The following SNCAIP variants were observed in gnomAD, a reference collection of about 807,000 sequenced individuals.
The protein encoded by SNCAIP is synuclein alpha interacting protein.
In SNCAIP, 43 loss-of-function variants were observed where a neutral mutation model predicts 86.7. The observed-to-expected ratio is 0.50, with a 90% CI of 0.39 to 0.64. The LOEUF is 0.64. Among genes scored for constraint, SNCAIP ranks in the 30% least tolerant of loss-of-function variants. The pLI is 0.00. For missense variants in SNCAIP, 981 were observed against 1,103.1 expected, an observed-to-expected ratio of 0.89 and a Z score of 1.57; for synonymous variants, 417 against 427.2, an observed-to-expected ratio of 0.98 and a Z score of 0.29.
chr5:122,439,555 T>C (rs1372672310), intron 6 of SNCAIP, among the ~76,000 whole-genome samples: 1 of 152,180 alleles, frequency 6.6e-6, no homozygotes, highest in Admixed American at 6.5e-5. Flanking sequence ...GCTGTTTTTA[T>C]CCAACATTCC....
intron 3 of SNCAIP, among the ~76,000 whole-genome samples, chr5:122,414,090 T>TA (rs1244547726): frequency 5.3e-5 from 8 of 149,926 alleles, no homozygotes; most frequent in South Asian, 2.1e-4. Context: ...TTTAATTCTT[T>TA]GTAGAGATGA....
intron 1 of SNCAIP, among the ~76,000 whole-genome samples, chr5:122,343,909 T>C (rs1356036571): frequency 2.0e-5 from 3 of 152,206 alleles, no homozygotes; most frequent in African/African-American, 7.2e-5. Context: ...ATTAGCTCTG[T>C]TGATGGTCAA....
chr5:122,360,741 T>A (rs1561579154), intron 1 of SNCAIP, among the ~76,000 whole-genome samples: 2 of 152,192 alleles, frequency 1.3e-5, no homozygotes. Flanking sequence ...TAGCTGGAAA[T>A]CTACTTGTAG....
chr5:122,438,304 G>A (rs540200971), intron 6 of SNCAIP, among the ~76,000 whole-genome samples: 160 of 152,148 alleles, frequency 1.1e-3, no homozygotes, highest in African/African-American at 3.5e-3. Context: ...TTCTCCTCAC[G>A]TCCCAAAGAT....
At chr5:122,353,118 A>G (rs1760209751) in intron 1 of SNCAIP, among the ~76,000 whole-genome samples, 2 of 152,204 alleles carry the variant, frequency 1.3e-5, no homozygotes, top group Admixed American at 6.5e-5. Flanking sequence ...AGTACTTGGC[A>G]TCAGCAGAAT....
intron 9 of SNCAIP, 96 bp downstream of exon 9, chr5:122,450,033 C>G: frequency 1.1e-6 from 1 of 880,310 alleles, no homozygotes; most frequent in Admixed American, 2.0e-5. Flanking sequence ...AGGATGACAA[C>G]AGAAAACATT....
rs80283845 is a variant in SNCAIP at position 122,339,393 on chromosome 5, T to G, written c.-47+27109T>G. Among the ~76,000 whole-genome samples, 55 of 152,310 alleles carry G rather than the reference T, an allele frequency of 3.6e-4. No homozygotes were observed. In the East Asian group the frequency reaches 9.3e-3, roughly 26 times the overall value. On this transcript the variant is annotated intron_variant, in intron 1 of 10. Coordinates refer to ENST00000261368, the MANE Select transcript of SNCAIP (RefSeq NM_005460.4). ...AATTATCTTAACAGAATCTTCAAAA[T>G]AGAATCAAAACCATCTTTAGATACA... is the stretch of plus-strand genomic sequence containing the variant.
At chr5:122,403,965 T>C (rs545360922) in intron 3 of SNCAIP, 100 bp downstream of exon 3, 1 of 878,840 alleles carries the variant, frequency 1.1e-6, no homozygotes, top group Non-Finnish European at 1.9e-6. Context: ...CTTTCAGTTT[T>C]CTTTTCTCTT....
At chr5:122,392,230 A>T (rs753901036) in intron 2 of SNCAIP, among the ~76,000 whole-genome samples, 3 of 152,316 alleles carry the variant, frequency 2.0e-5, no homozygotes, top group Non-Finnish European at 4.4e-5. Context: ...CACCTATTTT[A>T]TACAAACTTG....
chr5:122,335,563 A>G (rs1756272212), intron 1 of SNCAIP, among the ~76,000 whole-genome samples: 1 of 152,218 alleles, frequency 6.6e-6, no homozygotes, highest in Admixed American at 6.5e-5. Context: ...ACTGTTGTAC[A>G]TCAGGTTCTC....
chr5:122,379,977 T>C (rs527282320), intron 1 of SNCAIP, among the ~76,000 whole-genome samples: 1 of 152,182 alleles, frequency 6.6e-6, no homozygotes, highest in Non-Finnish European at 1.5e-5. Flanking sequence ...TCAATGTTCA[T>C]CAAGGGTATT....
chr5:122,386,974 G>A (rs145867249), intron 1 of SNCAIP, among the ~76,000 whole-genome samples: 19 of 152,182 alleles, frequency 1.2e-4, no homozygotes, highest in East Asian at 7.8e-4. Context: ...TGGGGAGAGG[G>A]GCTTACATGC....
intron 1 of SNCAIP, among the ~76,000 whole-genome samples, chr5:122,322,723 T>C (rs187869973): frequency 6.6e-6 from 1 of 152,340 alleles, no homozygotes; most frequent in Non-Finnish European, 1.5e-5. Context: ...AGCTTGCCAA[T>C]AATTCCACAA....
At chr5:122,393,688 A>T (rs757740189) in intron 2 of SNCAIP, among the ~76,000 whole-genome samples, 3 of 152,180 alleles carry the variant, frequency 2.0e-5, no homozygotes, top group Non-Finnish European at 4.4e-5. Flanking sequence ...AATCCCCTAC[A>T]ACAAGAATTG....
chr5:122,455,334 A>G (rs770689697), intron 10 of SNCAIP, among the ~76,000 whole-genome samples: 2 of 152,226 alleles, frequency 1.3e-5, no homozygotes, highest in African/African-American at 4.8e-5. Context: ...AATTAAGACT[A>G]GAGTGGGAAT....
intron 1 of SNCAIP, among the ~76,000 whole-genome samples, chr5:122,360,773 T>C (rs1268890654): frequency 1.3e-5 from 2 of 152,318 alleles, no homozygotes; most frequent in African/African-American, 2.4e-5. Flanking sequence ...TCTGGGTTTT[T>C]TGGATCATAT....
intron 3 of SNCAIP, among the ~76,000 whole-genome samples, chr5:122,419,330 G>A (rs1486540036): frequency 6.6e-6 from 1 of 152,212 alleles, no homozygotes; most frequent in Non-Finnish European, 1.5e-5. Context: ...ATAGATGGGT[G>A]TGGACAGTCA....
At chr5:122,462,283 A>C (rs1786549328) in intron 10 of SNCAIP, among the ~76,000 whole-genome samples, 1 of 152,124 alleles carries the variant, frequency 6.6e-6, no homozygotes, top group African/African-American at 2.4e-5. Flanking sequence ...ATCAACTCTA[A>C]ATGTTCATCC....
At chr5:122,382,014 T>C (rs1018222622) in intron 1 of SNCAIP, among the ~76,000 whole-genome samples, 8 of 152,202 alleles carry the variant, frequency 5.3e-5, no homozygotes, top group East Asian at 1.9e-4. Context: ...CTGACAATTA[T>C]GTGTCTTGGG....
Sources: gnomAD v4.1 joint callset for allele counts (sites outside exome capture counted in the v4.1 genomes callset) on GRCh38, gnomAD v4.1.1 for gene constraint, MANE v1.5 for transcripts, NCBI Gene and HGNC (gene_info 2026-07-23, HGNC 2026-07-21) for gene names.